Variants in IPO13 observed in about 807,000 individuals in gnomAD.
IPO13 encodes the protein importin-13.
In IPO13, 28 loss-of-function variants were observed where a neutral mutation model predicts 115.5. That is an observed-to-expected ratio of 0.24 (90% CI 0.18 to 0.33). IPO13 has a LOEUF of 0.33. Among genes scored for constraint, IPO13 ranks in the 10% least tolerant of loss-of-function variants. The pLI, the probability that IPO13 is intolerant of heterozygous loss-of-function variation, is 1.00. For missense variants in IPO13, 785 were observed against 1,204.6 expected (o/e 0.65, Z 5.16); for synonymous variants, 414 against 478.9 (o/e 0.86, Z 1.77).
chr1:43,953,190 C>T (rs373156271), intron 2 of IPO13: 1 of 152,210 alleles, frequency 6.6e-6, no homozygotes, highest in East Asian at 1.9e-4. Context: ...AGCAACTCTC[C>T]CCATTTTCTC....
At chr1:43,951,750 G>T (rs1409741774) in intron 2 of IPO13, among the ~76,000 whole-genome samples, 2 of 152,232 alleles carry the variant, frequency 1.3e-5, no homozygotes, top group South Asian at 2.1e-4. Context: ...GGGACCTTTG[G>T]CAGAATTGGA....
chr1:43,948,751 C>T (rs2428955), intron 1 of IPO13, among the ~76,000 whole-genome samples: 130,535 of 152,254 alleles, frequency 0.86, 56,661 homozygotes, highest in Non-Finnish European at 0.93. Flanking sequence ...ATTGAGACCC[C>T]GGGGATTCTG....
At position 43,956,554 on chromosome 1, in the gene IPO13, C is replaced by T; in HGVS notation, c.963-6C>T. On this transcript the variant is annotated splice_polypyrimidine_tract_variant and splice_region_variant and intron_variant, in intron 3 of 19. Coordinates refer to ENST00000372343, the MANE Select transcript of IPO13 (RefSeq NM_014652.4). The surrounding 1 kb of genome is among the most constrained non-coding windows in gnomAD (Gnocchi z 4.7). ...GAAAGGTAGAATGACCTGACTCTCT[C>T]CCCAGGGCCTTGCTGGACCAAGTAG... The T allele has an allele frequency of 5.6e-6, 9 of 1,614,198 alleles. No homozygotes were observed. Among genetic ancestry groups the T allele is most frequent in the Non-Finnish European group, 6.8e-6 (8 of 1,180,036 alleles).
At chr1:43,963,371 G>A (rs2085302378) in intron 14 of IPO13, among the ~76,000 whole-genome samples, 1 of 152,176 alleles carries the variant, frequency 6.6e-6, no homozygotes, top group Non-Finnish European at 1.5e-5. Flanking sequence ...TTGTCTCGCT[G>A]GACAGGATGG....
At position 43,958,834 on chromosome 1, in the gene IPO13, A is replaced by G. The variant is rs1313571207; in HGVS notation, c.1973A>G (p.Asp658Gly). The stretch of plus-strand genomic sequence containing the variant: ...ACACTGGACATCAGTCATCATGAGG[A>G]TGATCATGAAGGCCCTGAGCTTCGG... The part of the protein sequence containing the change: ...FTTLDISHHE[D>G]DHEGPELRKL... The change falls in exon 11 of 20, where the codon GAT (aspartate) becomes GGT (glycine). Residue 658 changes from aspartate (D) to glycine (G), a missense_variant. By Grantham distance (94) the Asp-to-Gly change is moderately conservative. Transcript: ENST00000372343. The surrounding 1 kb of genome is among the most constrained non-coding windows in gnomAD (Gnocchi z 6.3). The G allele has an allele frequency of 1.9e-6, 3 of 1,614,068 alleles. No individual in the cohort carries two copies. Among genetic ancestry groups the G allele is most frequent in the Non-Finnish European group, 8.5e-7 (1 of 1,180,010 alleles).
chr1:43,967,047 G>A lies in IPO13; in HGVS notation c.2613+28G>A. 2.5e-6 allele frequency: 4 copies of A among 1,598,148 alleles called. No homozygotes were observed. Among genetic ancestry groups the A allele is most frequent in the Non-Finnish European group, 3.4e-6 (4 of 1,165,794 alleles). On this transcript the variant is annotated intron_variant, in intron 18 of 19. Coordinates refer to ENST00000372343, the MANE Select transcript of IPO13 (RefSeq NM_014652.4). The surrounding 1 kb of genome is among the most constrained non-coding windows in gnomAD (Gnocchi z 6.1). Reference sequence around the variant, plus strand: ...GAGACGGAGCAAAGGGGGGTTTGATGGGGGTGAGGGCCCCTCACTGCTGAG... The same window carrying A: ...GAGACGGAGCAAAGGGGGGTTTGATAGGGGTGAGGGCCCCTCACTGCTGAG...
In IPO13 at chr1:43,947,323, T is replaced by TA; in HGVS notation, c.-277dup. The TA allele has an allele frequency of 5.0e-6, 2 of 399,122 alleles. No individual in the cohort carries two copies. Among genetic ancestry groups the TA allele is most frequent in the Admixed American group, 8.8e-5 (2 of 22,744 alleles). 24.7% of individuals were successfully genotyped at this position (399,122 alleles called of 1,614,324 possible). On this transcript the variant is annotated 5_prime_UTR_variant, in exon 1 of 20. Coordinates refer to ENST00000372343, the MANE Select transcript of IPO13 (RefSeq NM_014652.4). ...ACACAGATTCTGGGGACAGAGCTGT[T>TA]ACCTGCCACTAGGATCCCCGCCTGA...
chr1:43,948,675 G>T (rs372835407), intron 1 of IPO13, among the ~76,000 whole-genome samples: 1 of 152,224 alleles, frequency 6.6e-6, no homozygotes, highest in Non-Finnish European at 1.5e-5. Context: ...GCATGGTGGC[G>T]CACTGTTCCA....
chr1:43,958,917 C>T lies in IPO13; in HGVS notation c.2028+28C>T. On this transcript the variant is annotated intron_variant, in intron 11 of 19. Transcript: ENST00000372343. This position sits in a 1 kb window ranked among gnomAD's most constrained non-coding sequence, Gnocchi z 6.3. ...GGGTGACATTTGCCCACGGCAAAGA[C>T]ATTTGTCTTTGCCATCCCCCCAACC... is the stretch of plus-strand genomic sequence containing the variant. 1 of 1,607,006 alleles carries T rather than the reference C, an allele frequency of 6.2e-7. No individual in the cohort carries two copies. Among genetic ancestry groups the T allele is most frequent in the Admixed American group, 1.7e-5 (1 of 59,796 alleles).
chr1:43,950,075 C>T lies in IPO13; in HGVS notation c.743C>T (p.Ala248Val), dbSNP rs1250822371. 2.5e-6 allele frequency: 4 copies of T among 1,613,882 alleles called. No homozygotes were observed. The highest frequency in any genetic ancestry group is 3.4e-6 in the Non-Finnish European group (4 of 1,179,984). The change falls in exon 2 of 20, where the codon GCT (alanine) becomes GTT (valine). Residue 248 changes from alanine (A) to valine (V), a missense_variant. By Grantham distance (64) the Ala-to-Val change is moderately conservative. This residue lies in a region of IPO13 where 325 missense variants were observed against 449.8 expected (regional missense o/e 0.72). Transcript: ENST00000372343. ...GAGGCGCTCATTCAGGCTGCCTTTG[C>T]TGCTCTGCAGGACTCGGAGCTCTTC... ...DCEALIQAAF[A>V]ALQDSELFDS...
rs200911542 is a variant in IPO13, at chr1:43,956,726, G to A, written c.1104+25G>A. On this transcript the variant is annotated intron_variant, in intron 4 of 19. Transcript: ENST00000372343. The surrounding 1 kb of genome is among the most constrained non-coding windows in gnomAD (Gnocchi z 4.7). ...GGTGTGTCTGTGTGACCTCCAGTAG[G>A]ACTGGGCTGTGGTGGAAGAAGGTGG... 174 of 1,614,082 alleles carry A rather than the reference G, an allele frequency of 1.1e-4. No individual in the cohort carries two copies. The highest frequency in any genetic ancestry group is 1.3e-4 in the Non-Finnish European group (155 of 1,180,026).
Position 43,967,108 on chromosome 1 carries a change from C to A in IPO13, c.2613+89C>A. 7.8e-7 allele frequency: 1 copy of A among 1,278,580 alleles called. No homozygotes were observed. The highest frequency in any genetic ancestry group is 1.1e-6 in the Non-Finnish European group (1 of 879,488). The allele number at this position is 1,278,580 out of a possible 1,614,324, so 79.2% of individuals were successfully genotyped here. On this transcript the variant is annotated intron_variant, in intron 18 of 19. Transcript: ENST00000372343. This position sits in a 1 kb window ranked among gnomAD's most constrained non-coding sequence, Gnocchi z 6.1. Reference sequence around the variant, plus strand: ...TTCTGGGAGGCTTGAGCCTTTGGTCCCCTAAGCTCTCAGATTCTGTTTCTT... The same window carrying A: ...TTCTGGGAGGCTTGAGCCTTTGGTCACCTAAGCTCTCAGATTCTGTTTCTT...
In IPO13 at chr1:43,967,521, GGGTCAGGCAGA is replaced by G; in HGVS notation, c.2795+27_2795+37del. 6.2e-7 allele frequency: 1 copy of G among 1,614,134 alleles called. No individual in the cohort carries two copies. The highest frequency in any genetic ancestry group is 1.3e-5 in the African/African-American group (1 of 75,056). ...GGTGAGCAGAGCTGGGGTGGGCCTG[GGGTCAGGCAGA>G]GAGGGGGCAGTGGTGGTGGCTGGTG... On this transcript the variant is annotated intron_variant, in intron 19 of 19. Transcript: ENST00000372343. The surrounding 1 kb of genome is among the most constrained non-coding windows in gnomAD (Gnocchi z 6.1).
chr1:43,957,216 C>T lies in IPO13; in HGVS notation c.1293C>T (p.Leu431=), dbSNP rs776724988. Residue 431 remains leucine, a synonymous_variant, in exon 6 of 20, where the codon CTC becomes CTT. Coordinates refer to ENST00000372343, the MANE Select transcript of IPO13 (RefSeq NM_014652.4). ...TCAGGGTGGACATCTCAGACACGCT[C>T]ATGTATGTCTATGAGATGTTGGGGG... ...RIYRVDISDT[L]MYVYEMLGAE... The T allele has an allele frequency of 9.3e-6, 15 of 1,613,940 alleles. No homozygotes were observed. The African/African-American group carries it at 1.5e-4, about 16-fold the overall frequency.
rs777403870 is a variant in IPO13 at position 43,967,485 on chromosome 1, G to A, written c.2784G>A (p.Gln928=). The A allele has an allele frequency of 4.7e-5, 76 of 1,614,022 alleles. No homozygotes were observed. The highest frequency in any genetic ancestry group is 6.4e-5 in the Non-Finnish European group (75 of 1,180,002). ...CTGAACAGAAGGATACCTTCAGCCA[G>A]CAGATCCTTCGGTGAGCAGAGCTGG... The part of the protein sequence containing the change: ...LSPEQKDTFS[Q]QILRERVNKR... The change falls in exon 19 of 20, where the codon CAG becomes CAA. Residue 928 remains glutamine (Q), a synonymous_variant. Transcript: ENST00000372343. This position sits in a 1 kb window ranked among gnomAD's most constrained non-coding sequence, Gnocchi z 6.1.
chr1:43,958,389 A>G lies in IPO13; in HGVS notation c.1750-72A>G, dbSNP rs2085266469. ...CCTTATTCTCTGTTTTTCTTCTCCC[A>G]AGAGGCTCATTTTCCTTCCTACCCC... On this transcript the variant is annotated intron_variant, in intron 9 of 19. Coordinates refer to ENST00000372343, the MANE Select transcript of IPO13 (RefSeq NM_014652.4). This position sits in a 1 kb window ranked among gnomAD's most constrained non-coding sequence, Gnocchi z 6.3. The G allele has an allele frequency of 6.2e-7, 1 of 1,611,168 alleles. No individual in the cohort carries two copies. The highest frequency in any genetic ancestry group is 1.3e-5 in the African/African-American group (1 of 74,800).
intron 12 of IPO13, 78 bp downstream of exon 12, chr1:43,960,407 T>C: frequency 7.8e-7 from 1 of 1,276,012 alleles, no homozygotes; most frequent in Non-Finnish European, 1.1e-6. Context: ...CTGCCACACT[T>C]CAGCTTACAA....
Position 43,967,742 on chromosome 1 carries a change from C to A in IPO13, c.*60C>A. 6.8e-7 allele frequency: 1 copy of A among 1,478,236 alleles called. No individual in the cohort carries two copies. The highest frequency in any genetic ancestry group is 1.4e-5 in the African/African-American group (1 of 72,026). 91.6% of individuals were successfully genotyped at this position (1,478,236 alleles called of 1,614,324 possible). Reference sequence around the variant, plus strand: ...TCCTTCCCTATTCCCAAAGAGTAAACCTGGACCCTCACTGCTGTCTCTGCC... The same window carrying A: ...TCCTTCCCTATTCCCAAAGAGTAAAACTGGACCCTCACTGCTGTCTCTGCC... On this transcript the variant is annotated 3_prime_UTR_variant, in exon 20 of 20. Coordinates refer to ENST00000372343, the MANE Select transcript of IPO13 (RefSeq NM_014652.4). The surrounding 1 kb of genome is among the most constrained non-coding windows in gnomAD (Gnocchi z 6.1).
chr1:43,950,620 CTT>C (rs143368858), intron 2 of IPO13, among the ~76,000 whole-genome samples: 11,261 of 152,234 alleles, frequency 0.074, 598 homozygotes, highest in African/African-American at 0.14. Flanking sequence ...TCTCAATGCT[CTT>C]AGGTTAAAGC....
Sources: allele counts gnomAD v4.1 joint callset (sites outside exome capture counted in the v4.1 genomes callset), GRCh38; gene constraint gnomAD v4.1.1; regional missense constraint gnomAD v4.1.1; non-coding constraint Gnocchi (gnomAD v3.1); transcripts MANE v1.5; gene names NCBI Gene and HGNC (gene_info 2026-07-23, HGNC 2026-07-21).